Variants in EXOC4 observed in about 807,000 individuals in gnomAD.
EXOC4 encodes the protein exocyst complex component 4.
In EXOC4, 71 loss-of-function variants were observed where a neutral mutation model predicts 107.2. That is an observed-to-expected ratio of 0.66 (90% CI 0.55 to 0.81). EXOC4 has a LOEUF of 0.81. EXOC4 is among the 30% of genes least tolerant of loss of function. The pLI is 0.00. For missense variants in EXOC4, 1,108 were observed against 1,189.6 expected, an observed-to-expected ratio of 0.93 and a Z score of 1.01; for synonymous variants, 456 against 441.2, an observed-to-expected ratio of 1.03 and a Z score of -0.42.
At chr7:133,980,227 C>T (rs1793947434) in intron 14 of EXOC4, among the ~76,000 whole-genome samples, 3 of 152,120 alleles carry the variant, frequency 2.0e-5, no homozygotes, top group Non-Finnish European at 4.4e-5. Context: ...TCTTTCTGGC[C>T]ATTAGCCACA....
rs376513108 is a variant in EXOC4, at chr7:134,027,702, C to T, written c.2687+19867C>T. The stretch of plus-strand genomic sequence containing the variant: ...TTGGCTGAGCTGACTTTGTAGTTCT[C>T]ATGGGGTTAGTGAAGGAGAAAGAAG... On this transcript the variant is annotated intron_variant, in intron 17 of 17. Coordinates refer to ENST00000253861, the MANE Select transcript of EXOC4 (RefSeq NM_021807.4). Among the ~76,000 whole-genome samples, 10 of 149,806 alleles carry T rather than the reference C, an allele frequency of 6.7e-5. No individual in the cohort carries two copies. In the East Asian group the frequency reaches 1.4e-3, roughly 21 times the overall value.
At chr7:133,437,110 T>C (rs917053326) in intron 7 of EXOC4, among the ~76,000 whole-genome samples, 1 of 152,220 alleles carries the variant, frequency 6.6e-6, no homozygotes, top group African/African-American at 2.4e-5. Flanking sequence ...TTTTGCGTGT[T>C]ATCCAAACAT....
Position 133,376,561 on chromosome 7 carries a change from C to T in EXOC4, c.1182+1559C>T, listed in dbSNP as rs184549526. ...ACACTAGGTGAGCTTTACCTTCATC[C>T]CTGCATCTTCCTCGTGAATACTTTC... On this transcript the variant is annotated intron_variant, in intron 7 of 17. Coordinates refer to ENST00000253861, the MANE Select transcript of EXOC4 (RefSeq NM_021807.4). Among the ~76,000 whole-genome samples, 5 of 152,278 alleles carry T rather than the reference C, an allele frequency of 3.3e-5. 1 individual carries two copies. The highest frequency in any genetic ancestry group is 2.0e-4 in the Admixed American group (3 of 15,300).
intron 10 of EXOC4, among the ~76,000 whole-genome samples, chr7:133,639,765 T>C (rs1802806069): frequency 6.6e-6 from 1 of 152,206 alleles, no homozygotes; most frequent in Non-Finnish European, 1.5e-5. Flanking sequence ...ATGTTGTTTT[T>C]ATTAGTTGTG....
intron 9 of EXOC4, among the ~76,000 whole-genome samples, chr7:133,513,311 C>T (rs962721300): frequency 7.2e-5 from 11 of 152,074 alleles, no homozygotes; most frequent in African/African-American, 2.7e-4. Flanking sequence ...TCAAGCGATC[C>T]ATCGCCTTGG....
intron 14 of EXOC4, among the ~76,000 whole-genome samples, chr7:133,983,918 G>C (rs968737054): frequency 1.3e-5 from 2 of 152,132 alleles, no homozygotes; most frequent in Non-Finnish European, 2.9e-5. Flanking sequence ...TATCCGGCAG[G>C]AGCTGAATTG....
chr7:133,757,096 C>T (rs1005588599), intron 10 of EXOC4, among the ~76,000 whole-genome samples: 1 of 152,152 alleles, frequency 6.6e-6, no homozygotes, highest in Non-Finnish European at 1.5e-5. Context: ...GTTTTCTGTG[C>T]GTAAGTGGCT....
intron 5 of EXOC4, among the ~76,000 whole-genome samples, chr7:133,322,795 T>C (rs1795144712): frequency 6.6e-6 from 1 of 152,244 alleles, no homozygotes; most frequent in Non-Finnish European, 1.5e-5. Flanking sequence ...ATCGAATCTG[T>C]AAATTACTTT....
chr7:133,629,870 T>C (rs1399348923), intron 9 of EXOC4, among the ~76,000 whole-genome samples, 175 bp from the exon 10 acceptor site: 1 of 152,132 alleles, frequency 6.6e-6, no homozygotes, highest in Non-Finnish European at 1.5e-5. Flanking sequence ...CTGTTGTTTA[T>C]TCAAGTGAGG....
intron 9 of EXOC4, among the ~76,000 whole-genome samples, chr7:133,568,344 A>G (rs563081437): frequency 6.6e-6 from 1 of 152,138 alleles, no homozygotes; most frequent in Admixed American, 6.6e-5. Context: ...TGCCATGCAG[A>G]AATATTTAAT....
At chr7:134,039,081 G>A (rs1206106126) in intron 17 of EXOC4, among the ~76,000 whole-genome samples, 1 of 152,152 alleles carries the variant, frequency 6.6e-6, no homozygotes, top group African/African-American at 2.4e-5. Flanking sequence ...CTGCTTCTGT[G>A]TATGGTCTGA....
chr7:133,986,718 A>G (rs1327085595), intron 14 of EXOC4, among the ~76,000 whole-genome samples: 1 of 152,228 alleles, frequency 6.6e-6, no homozygotes, highest in Non-Finnish European at 1.5e-5. Flanking sequence ...TGGGGTAAGG[A>G]AAGATTAGTT....
chr7:133,316,619 T>G (rs1794996911), intron 4 of EXOC4, among the ~76,000 whole-genome samples: 1 of 152,244 alleles, frequency 6.6e-6, no homozygotes. Context: ...GGAAGTTGAT[T>G]TATGCGTTTA....
At chr7:133,701,035 T>G (rs1205952676) in intron 10 of EXOC4, among the ~76,000 whole-genome samples, 1 of 152,124 alleles carries the variant, frequency 6.6e-6, no homozygotes, top group African/African-American at 2.4e-5. Flanking sequence ...AAAGACCAGG[T>G]AAGCAGTATG....
chr7:133,980,986 A>G (rs1215187454), intron 14 of EXOC4, among the ~76,000 whole-genome samples: 1 of 152,210 alleles, frequency 6.6e-6, no homozygotes, highest in Non-Finnish European at 1.5e-5. Flanking sequence ...CAGACAGATT[A>G]AAGGGGAGGT....
At chr7:133,806,037 T>C (rs573856776) in intron 10 of EXOC4, among the ~76,000 whole-genome samples, 2 of 152,240 alleles carry the variant, frequency 1.3e-5, no homozygotes, top group African/African-American at 2.4e-5. Context: ...ATTCATAGCA[T>C]GTGCTAAGTG....
intron 7 of EXOC4, among the ~76,000 whole-genome samples, chr7:133,389,847 C>T (rs376408687): frequency 6.9e-5 from 10 of 144,782 alleles, no homozygotes; most frequent in Admixed American, 2.2e-4. Flanking sequence ...ACAATCATGG[C>T]GGAACGCAAG....
chr7:133,773,373 C>T (rs1055597607), intron 10 of EXOC4, among the ~76,000 whole-genome samples: 9 of 151,968 alleles, frequency 5.9e-5, no homozygotes, highest in African/African-American at 1.9e-4. Context: ...CCCTGACCCA[C>T]TTAATGCCCT....
At chr7:133,926,751 G>T (rs1237765840) in intron 13 of EXOC4, among the ~76,000 whole-genome samples, 2 of 152,184 alleles carry the variant, frequency 1.3e-5, no homozygotes, top group Non-Finnish European at 2.9e-5. Context: ...GAATCAGGAA[G>T]AGAGACTAAA....
Sources: allele counts gnomAD v4.1 joint callset (sites outside exome capture counted in the v4.1 genomes callset), GRCh38; gene constraint gnomAD v4.1.1; transcripts MANE v1.5; gene names NCBI Gene and HGNC (gene_info 2026-07-23, HGNC 2026-07-21).